FAM135B: variants seen among roughly 807,000 people sequenced by gnomAD.
FAM135B encodes the protein protein FAM135B.
Under a neutral mutation model 127.7 loss-of-function variants are expected in FAM135B, and 43 were observed. The observed-to-expected ratio is 0.34, with a 90% CI of 0.26 to 0.43. FAM135B has a LOEUF of 0.43. FAM135B is among the 20% of genes least tolerant of loss of function. FAM135B has a pLI of 1.00. For synonymous variants in FAM135B, 670 were observed against 665.1 expected, an observed-to-expected ratio of 1.01 and a Z score of -0.11; for missense variants, 1,558 against 1,725.6, an observed-to-expected ratio of 0.90 and a Z score of 1.72.
chr8:138,356,328 G>A (rs1251857585), intron 2 of FAM135B, among the ~76,000 whole-genome samples: 1 of 152,042 alleles, frequency 6.6e-6, no homozygotes, highest in African/African-American at 2.4e-5. Context: ...GTATGTGAAC[G>A]CTAGAGTCTA....
chr8:138,246,165 G>A (rs1237616492), intron 6 of FAM135B, among the ~76,000 whole-genome samples: 1 of 152,114 alleles, frequency 6.6e-6, no homozygotes, highest in Non-Finnish European at 1.5e-5. Context: ...GCCTGATGAT[G>A]CAATAAAAAA....
At chr8:138,262,058 A>C (rs550617535) in intron 4 of FAM135B, among the ~76,000 whole-genome samples, 9 of 152,360 alleles carry the variant, frequency 5.9e-5, no homozygotes, top group Non-Finnish European at 1.2e-4. Context: ...TACCCCCAAC[A>C]CAATAATAAT....
chr8:138,227,714 CTTTTTTTT>C (rs761660500), intron 7 of FAM135B, among the ~76,000 whole-genome samples: 5 of 81,826 alleles, frequency 6.1e-5, no homozygotes, highest in African/African-American at 1.8e-4. Context: ...TTTTGTCTCT[CTTTTTTTT>C]TTTTTTTTTT....
intron 1 of FAM135B, among the ~76,000 whole-genome samples, chr8:138,404,483 TTGGACCC>T (rs1263369124): frequency 6.6e-6 from 1 of 152,196 alleles, no homozygotes; most frequent in Non-Finnish European, 1.5e-5. Context: ...TGCCATGTCA[TTGGACCC>T]TTCCTTTCAT....
At chr8:138,237,800 C>G (rs1820419259) in intron 7 of FAM135B, among the ~76,000 whole-genome samples, 1 of 152,138 alleles carries the variant, frequency 6.6e-6, no homozygotes, top group Admixed American at 6.6e-5. Context: ...GCCAGCCTAC[C>G]CTGTAGACTT....
chr8:138,140,217 A>G (rs1451943666), intron 17 of FAM135B, among the ~76,000 whole-genome samples: 1 of 152,224 alleles, frequency 6.6e-6, no homozygotes, highest in Non-Finnish European at 1.5e-5. Flanking sequence ...GCCATAAAAT[A>G]ACTTAAAAGC....
At chr8:138,192,467 C>T (rs1311530326) in intron 9 of FAM135B, among the ~76,000 whole-genome samples, 4 of 152,220 alleles carry the variant, frequency 2.6e-5, no homozygotes, top group Non-Finnish European at 4.4e-5. Context: ...CTGGAGGCTA[C>T]AAGATTCTGA....
At chr8:138,308,900 T>C (rs1239703083) in intron 3 of FAM135B, 3 of 372,302 alleles carry the variant, frequency 8.1e-6, no homozygotes, top group Admixed American at 3.5e-5. Flanking sequence ...CACTTCTAGG[T>C]CTCCTCTCCG....
rs538554460 is a variant in FAM135B at position 138,174,149 on chromosome 8, TAAG to T, written c.1103+3195_1103+3197del. On this transcript the variant is annotated intron_variant, in intron 11 of 19. Transcript: ENST00000395297. ...CCCTCCTATCCTATCCTATTTCATT[TAAG>T]AAGCACTGTTCCAAATACACTAGGT... Among the ~76,000 whole-genome samples the T allele has an allele frequency of 6.3e-4, 96 of 152,284 alleles. No homozygotes were observed. In the Middle Eastern group the frequency reaches 0.017, roughly 27 times the overall value.
intron 12 of FAM135B, among the ~76,000 whole-genome samples, chr8:138,164,549 T>C (rs889703183): frequency 5.3e-5 from 8 of 152,228 alleles, no homozygotes; most frequent in African/African-American, 1.9e-4. Context: ...TATTCAAAGC[T>C]ACCCCTCTGC....
intron 3 of FAM135B, among the ~76,000 whole-genome samples, chr8:138,301,602 T>C (rs1355895290): frequency 6.6e-6 from 1 of 152,186 alleles, no homozygotes; most frequent in South Asian, 2.1e-4. Context: ...ACACATGAGA[T>C]GCCTACTCTG....
At chr8:138,434,266 T>C (rs1386826632) in intron 1 of FAM135B, among the ~76,000 whole-genome samples, 2 of 152,184 alleles carry the variant, frequency 1.3e-5, no homozygotes, top group Admixed American at 1.3e-4. Context: ...GAATCTAATG[T>C]TGTTTCTGAA....
chr8:138,484,672 C>T (rs1488556459), intron 1 of FAM135B, among the ~76,000 whole-genome samples: 1 of 151,998 alleles, frequency 6.6e-6, no homozygotes, highest in Non-Finnish European at 1.5e-5. Context: ...TAATCTGTCG[C>T]TGAAAAATGG....
chr8:138,352,984 G>T (rs974199993), intron 2 of FAM135B, among the ~76,000 whole-genome samples: 2 of 152,122 alleles, frequency 1.3e-5, no homozygotes, highest in African/African-American at 4.8e-5. Flanking sequence ...AAATATGTGA[G>T]TGCCAACTAT....
chr8:138,361,315 G>A (rs975444330), intron 2 of FAM135B, among the ~76,000 whole-genome samples: 4 of 152,008 alleles, frequency 2.6e-5, no homozygotes, highest in African/African-American at 4.8e-5. Flanking sequence ...TAAATAGAAC[G>A]TTAGGAATTT....
intron 4 of FAM135B, among the ~76,000 whole-genome samples, chr8:138,258,569 A>T (rs1379109241): frequency 1.3e-5 from 2 of 152,180 alleles, no homozygotes; most frequent in South Asian, 4.1e-4. Context: ...ATGCCTGGGT[A>T]ATGAAAATTC....
chr8:138,420,872 C>A (rs1834457081), intron 1 of FAM135B, among the ~76,000 whole-genome samples: 1 of 152,188 alleles, frequency 6.6e-6, no homozygotes, highest in Middle Eastern at 3.2e-3. Context: ...TAAGGCAAAC[C>A]TACAAGCCAA....
chr8:138,265,947 G>A, intron 3 of FAM135B, 105 bp from the exon 4 acceptor site: 1 of 1,216,284 alleles, frequency 8.2e-7, no homozygotes, highest in Non-Finnish European at 1.1e-6. Flanking sequence ...GCCCCAAGCT[G>A]CCTTCCAATT....
In FAM135B at chr8:138,141,824, T is replaced by G. The variant is rs2130607365; in HGVS notation, c.3639-475A>C. ...TGAACCACCTGCTCACAGCCCATGC[T>G]GTTAGACCCCCTCCTGCAGGCTCTG... On this transcript the variant is annotated intron_variant, in intron 16 of 19. Coordinates refer to ENST00000395297, the MANE Select transcript of FAM135B (RefSeq NM_015912.4). This position sits in a 1 kb window ranked among gnomAD's most constrained non-coding sequence, Gnocchi z 4.7. 6.6e-6 allele frequency among the ~76,000 whole-genome samples: 1 copy of G among 152,308 alleles called. No individual in the cohort carries two copies. The highest frequency in any genetic ancestry group is 2.1e-4 in the South Asian group (1 of 4,828).
Sources: gnomAD v4.1 joint callset for allele counts (sites outside exome capture counted in the v4.1 genomes callset) on GRCh38, gnomAD v4.1.1 for gene constraint, Gnocchi (gnomAD v3.1) non-coding constraint, MANE v1.5 for transcripts, NCBI Gene and HGNC (gene_info 2026-07-23, HGNC 2026-07-21) for gene names.